CTNNA3: variants seen among roughly 807,000 people sequenced by gnomAD.
CTNNA3 encodes catenin alpha-3.
A neutral mutation model predicts 95.7 loss-of-function variants in CTNNA3; 76 were observed. That is an observed-to-expected ratio of 0.79 (90% CI 0.66 to 0.96). The LOEUF (loss-of-function observed/expected upper bound fraction) is 0.96, where lower values mean the gene tolerates loss of function less well. Ranked by LOEUF, CTNNA3 falls within the 40% of genes least tolerant of loss-of-function variation. CTNNA3 has a pLI of 0.00. For synonymous variants in CTNNA3, 431 were observed against 374.4 expected (o/e 1.15, Z -1.74); for missense variants, 1,191 against 1,089.8 (o/e 1.09, Z -1.31).
intron 17 of CTNNA3, among the ~76,000 whole-genome samples, chr10:65,961,703 T>C (rs1216505258): frequency 6.6e-6 from 1 of 151,824 alleles, no homozygotes; most frequent in Admixed American, 6.6e-5. Flanking sequence ...TTATATTTTG[T>C]AGCATACCTT....
At chr10:66,782,777 A>G (rs1374252736) in intron 7 of CTNNA3, among the ~76,000 whole-genome samples, 2 of 152,304 alleles carry the variant, frequency 1.3e-5, no homozygotes, top group African/African-American at 4.8e-5. Context: ...AACAAAAATA[A>G]TATCTATCCT....
chr10:66,702,707 C>CAAAAAAA (rs36140474), intron 9 of CTNNA3, among the ~76,000 whole-genome samples: 1 of 81,248 alleles, frequency 1.2e-5, no homozygotes, highest in Admixed American at 1.4e-4. Context: ...AACTCCACCT[C>CAAAAAAA]AAAAAAAAAA....
intron 5 of CTNNA3, among the ~76,000 whole-genome samples, chr10:67,333,967 C>T (rs1177872669): frequency 6.6e-6 from 1 of 152,194 alleles, no homozygotes; most frequent in Non-Finnish European, 1.5e-5. Context: ...GAGGAAATAG[C>T]TGTACATATG....
chr10:66,743,090 C>T (rs1167244053), intron 9 of CTNNA3, among the ~76,000 whole-genome samples: 1 of 151,940 alleles, frequency 6.6e-6, no homozygotes, highest in Non-Finnish European at 1.5e-5. Flanking sequence ...ACACACAAAC[C>T]GAGAATGCAT....
chr10:66,579,265 T>A (rs553208943), intron 10 of CTNNA3, among the ~76,000 whole-genome samples: 1 of 151,976 alleles, frequency 6.6e-6, no homozygotes, highest in East Asian at 1.9e-4. Flanking sequence ...CCCTAAATAG[T>A]CACAAACCTA....
intron 7 of CTNNA3, among the ~76,000 whole-genome samples, chr10:66,945,431 T>C (rs903907616): frequency 5.3e-5 from 8 of 152,196 alleles, no homozygotes; most frequent in African/African-American, 1.7e-4. Context: ...TTTCAGCCTT[T>C]GTAGAATTGA....
chr10:66,080,614 C>A (rs2133641654), intron 14 of CTNNA3, among the ~76,000 whole-genome samples: 1 of 152,260 alleles, frequency 6.6e-6, no homozygotes, highest in Admixed American at 6.5e-5. Flanking sequence ...TAAAGCCAAT[C>A]ATAGTTGTCA....
chr10:66,134,401 G>C (rs1040151366), intron 13 of CTNNA3, among the ~76,000 whole-genome samples: 2 of 152,010 alleles, frequency 1.3e-5, no homozygotes, highest in Non-Finnish European at 2.9e-5. Context: ...TGTATGAGAA[G>C]TTCATTATTT....
intron 5 of CTNNA3, among the ~76,000 whole-genome samples, chr10:67,227,122 G>C (rs186771411): frequency 7.4e-6 from 1 of 135,692 alleles, no homozygotes; most frequent in Non-Finnish European, 1.6e-5. Context: ...ATGGAGTTTT[G>C]CTCTTGTTGC....
chr10:67,126,095 A>C (rs967624356), intron 7 of CTNNA3, among the ~76,000 whole-genome samples: 11 of 152,232 alleles, frequency 7.2e-5, no homozygotes, highest in African/African-American at 2.7e-4. Context: ...TCAGCATAAA[A>C]GACATTGTGG....
At chr10:66,880,790 G>A (rs1314310962) in intron 7 of CTNNA3, among the ~76,000 whole-genome samples, 3 of 152,054 alleles carry the variant, frequency 2.0e-5, no homozygotes, top group African/African-American at 7.2e-5. Context: ...GCAAATGGCA[G>A]CCGTTTGCAT....
rs1038611074 is a variant in CTNNA3, at chr10:66,601,550, G to A, written c.1374+20142C>T. Among the ~76,000 whole-genome samples the A allele has an allele frequency of 4.5e-4, 68 of 151,892 alleles. 2 individuals are homozygous for A. The highest frequency in any genetic ancestry group is 1.6e-3 in the African/African-American group (67 of 41,498). ...AGCTTCTGGATCTCAATGTAGTTCT[G>A]TTTCAGCTCCCTAGACCAAGTTTCT... On this transcript the variant is annotated intron_variant, in intron 10 of 17. Coordinates refer to ENST00000433211, the MANE Select transcript of CTNNA3 (RefSeq NM_013266.4).
At chr10:66,651,609 G>C (rs1845902020) in intron 9 of CTNNA3, among the ~76,000 whole-genome samples, 1 of 152,042 alleles carries the variant, frequency 6.6e-6, no homozygotes, top group Non-Finnish European at 1.5e-5. Context: ...GCCCTGCCCT[G>C]CTGGGAGACG....
chr10:67,309,981 C>CT (rs1840720339), intron 5 of CTNNA3, among the ~76,000 whole-genome samples: 1 of 152,086 alleles, frequency 6.6e-6, no homozygotes, highest in African/African-American at 2.4e-5. Flanking sequence ...TCTATTTACC[C>CT]AAACAAGCTC....
At chr10:66,062,984 C>T (rs983648881) in intron 15 of CTNNA3, among the ~76,000 whole-genome samples, 2 of 151,882 alleles carry the variant, frequency 1.3e-5, no homozygotes, top group Admixed American at 1.3e-4. Context: ...ATATTAATTC[C>T]TTTAGGAGGG....
Position 67,692,736 on chromosome 10 carries a change from TAAAAAAA to T in CTNNA3, c.-6+3257_-6+3263del, listed in dbSNP as rs200961420. On this transcript the variant is annotated intron_variant, in intron 1 of 17. Transcript: ENST00000433211. ...GCGAGAAACACCCAAGAATGATCAA[TAAAAAAA>T]AAAAAAAAAAAAAAAGTCTTGCTAC... 2.0e-4 allele frequency among the ~76,000 whole-genome samples: 16 copies of T among 80,832 alleles called. No homozygotes were observed. The South Asian group carries it at 3.5e-3, about 18-fold the overall frequency. The allele number at this position is 80,832 out of a possible 152,430, so 53.0% of individuals were successfully genotyped here.
chr10:66,189,615 T>TAC (rs2086550449), intron 13 of CTNNA3, among the ~76,000 whole-genome samples: 1 of 103,422 alleles, frequency 9.7e-6, no homozygotes, highest in African/African-American at 4.1e-5. Context: ...TATATATATA[T>TAC]ATACACACAT....
At chr10:66,037,139 T>A (rs965185819) in intron 15 of CTNNA3, among the ~76,000 whole-genome samples, 2 of 152,166 alleles carry the variant, frequency 1.3e-5, no homozygotes, top group African/African-American at 4.8e-5. Context: ...CCCAAAGTGC[T>A]GGGATTACAG....
chr10:67,655,319 A>G (rs1403539505), intron 1 of CTNNA3, among the ~76,000 whole-genome samples: 2 of 152,244 alleles, frequency 1.3e-5, no homozygotes, highest in Admixed American at 1.3e-4. Context: ...GTTAAATATA[A>G]AAGAGAAATA....
Sources: gnomAD v4.1 joint callset for allele counts (sites outside exome capture counted in the v4.1 genomes callset) on GRCh38, gnomAD v4.1.1 for gene constraint, MANE v1.5 for transcripts, NCBI Gene and HGNC (gene_info 2026-07-23, HGNC 2026-07-21) for gene names.